EPB41L5: variants seen among roughly 807,000 people sequenced by gnomAD.
EPB41L5 encodes band 4.1-like protein 5.
A neutral mutation model predicts 106.6 loss-of-function variants in EPB41L5; 55 were observed. The ratio of observed to expected loss-of-function variants is 0.52; its 90% CI spans 0.42 to 0.65. The LOEUF is 0.65. Ranked by LOEUF, EPB41L5 falls within the 30% of genes least tolerant of loss-of-function variation. EPB41L5 has a pLI of 0.00. For synonymous variants in EPB41L5, 297 were observed against 306.7 expected (o/e 0.97, Z 0.33); for missense variants, 871 against 882.1 (o/e 0.99, Z 0.16).
chr2:120,171,179 T>C (rs1249740413), intron 24 of EPB41L5, among the ~76,000 whole-genome samples: 1 of 152,164 alleles, frequency 6.6e-6, no homozygotes, highest in Non-Finnish European at 1.5e-5. Flanking sequence ...AGCAGCTAAA[T>C]GATAAGTGGT....
intron 2 of EPB41L5, among the ~76,000 whole-genome samples, chr2:120,040,003 G>A (rs1281656880): frequency 1.3e-5 from 2 of 151,726 alleles, no homozygotes; most frequent in African/African-American, 4.8e-5. Flanking sequence ...TCAAATTCTA[G>A]CGTTGTCATT....
At chr2:120,081,261 A>T (rs1293429148) in intron 10 of EPB41L5, among the ~76,000 whole-genome samples, 1 of 152,174 alleles carries the variant, frequency 6.6e-6, no homozygotes, top group Non-Finnish European at 1.5e-5. Context: ...TTAAGTCTTT[A>T]ATCCATCTTG....
chr2:120,093,386 C>A, intron 14 of EPB41L5, 110 bp downstream of exon 14: 1 of 870,770 alleles, frequency 1.1e-6, no homozygotes, highest in Non-Finnish European at 1.9e-6. Flanking sequence ...GTCCGTAAAG[C>A]ACCAGGGATA....
intron 16 of EPB41L5, among the ~76,000 whole-genome samples, chr2:120,127,391 G>A (rs989250504): frequency 2.6e-5 from 4 of 152,128 alleles, no homozygotes; most frequent in African/African-American, 9.7e-5. Context: ...ATCCGCAGAC[G>A]CGCAAGTGCC....
At chr2:120,100,185 A>G (rs1684044890) in intron 14 of EPB41L5, 59 bp from the exon 15 acceptor site, 4 of 1,351,912 alleles carry the variant, frequency 3.0e-6, no homozygotes, top group Non-Finnish European at 3.1e-6. Flanking sequence ...GTTATCTTAC[A>G]AAATGAAGTC....
rs76228324 is a variant in EPB41L5 at position 120,162,033 on chromosome 2, T to A, written c.1887+1059T>A. 5.6e-3 allele frequency among the ~76,000 whole-genome samples: 854 copies of A among 152,284 alleles called. 5 individuals are homozygous for A. The highest frequency in any genetic ancestry group is 8.5e-3 in the Non-Finnish European group (576 of 68,024). ...GACACCTGTTTTGTTCATTGCTGTATCCCTCAGGCTGGTCTCAAACTCCTG... is the reference window on the plus strand; with the variant it reads ...GACACCTGTTTTGTTCATTGCTGTAACCCTCAGGCTGGTCTCAAACTCCTG... On this transcript the variant is annotated intron_variant, in intron 21 of 24. Coordinates refer to ENST00000263713, the MANE Select transcript of EPB41L5 (RefSeq NM_020909.4).
intron 14 of EPB41L5, among the ~76,000 whole-genome samples, chr2:120,095,873 T>G (rs1683721378): frequency 6.6e-6 from 1 of 152,090 alleles, no homozygotes; most frequent in Non-Finnish European, 1.5e-5. Flanking sequence ...TTTCACCATG[T>G]TGGCCAGGCT....
chr2:120,087,819 GA>G (rs1558863521), intron 11 of EPB41L5, among the ~76,000 whole-genome samples: 12 of 139,104 alleles, frequency 8.6e-5, no homozygotes, highest in Admixed American at 7.9e-4. Context: ...TGATCAAAAA[GA>G]TCTACCTAAT....
chr2:120,134,819 C>T (rs1156784175), intron 18 of EPB41L5, among the ~76,000 whole-genome samples: 5 of 152,264 alleles, frequency 3.3e-5, no homozygotes, highest in Admixed American at 6.5e-5. Flanking sequence ...ATAACTACAA[C>T]GGCTTCTTAA....
In EPB41L5 at chr2:120,178,899, G is replaced by A. The variant is rs527469325; in HGVS notation, c.*3992G>A. The stretch of plus-strand genomic sequence containing the variant: ...TCTCCTTATCTGGATATGATAAGTG[G>A]TTATGAGGGTCTCACTAACTATTTT... On this transcript the variant is annotated 3_prime_UTR_variant, in exon 25 of 25. Transcript: ENST00000263713. 2.6e-5 allele frequency: 4 copies of A among 152,154 alleles called. No individual in the cohort carries two copies. The highest frequency in any genetic ancestry group is 5.9e-5 in the Non-Finnish European group (4 of 68,032). 9.4% of individuals were successfully genotyped at this position (152,154 alleles called of 1,614,324 possible).
rs954829901 is a variant in EPB41L5 at position 120,177,058 on chromosome 2, C to T, written c.*2151C>T. 6.6e-6 allele frequency: 1 copy of T among 152,120 alleles called. No individual in the cohort carries two copies. Among genetic ancestry groups the T allele is most frequent in the Non-Finnish European group, 1.5e-5 (1 of 68,030 alleles). The allele number at this position is 152,120 out of a possible 1,614,324, so 9.4% of individuals were successfully genotyped here. On this transcript the variant is annotated 3_prime_UTR_variant, in exon 25 of 25. Transcript: ENST00000263713. ...TTCATACTTGAATGCTGAATTGGCC[C>T]CGACAGATTAAATGCGTGTTGGGGA... is the stretch of plus-strand genomic sequence containing the variant.
At chr2:120,026,232 C>G (rs1007869440) in intron 2 of EPB41L5, among the ~76,000 whole-genome samples, 3 of 152,082 alleles carry the variant, frequency 2.0e-5, no homozygotes, top group Admixed American at 1.3e-4. Context: ...TTTGGGGGTA[C>G]ATAGTGCTAT....
intron 24 of EPB41L5, among the ~76,000 whole-genome samples, chr2:120,173,866 G>A (rs897628460): frequency 1.3e-5 from 2 of 152,072 alleles, no homozygotes; most frequent in African/African-American, 4.8e-5. Flanking sequence ...TGTTGTTGTT[G>A]TAAATACGTC....
At position 120,078,468 on chromosome 2, in the gene EPB41L5, ACACATTTTTCTC is replaced by A. The variant is rs1182269177; in HGVS notation, c.715-23_715-12del. 1 of 1,487,586 alleles carries A rather than the reference ACACATTTTTCTC, an allele frequency of 6.7e-7. No homozygotes were observed. The highest frequency in any genetic ancestry group is 2.3e-5 in the East Asian group (1 of 43,656). The allele number at this position is 1,487,586 out of a possible 1,614,324, so 92.1% of individuals were successfully genotyped here. On this transcript the variant is annotated splice_polypyrimidine_tract_variant and intron_variant, in intron 9 of 24. Coordinates refer to ENST00000263713, the MANE Select transcript of EPB41L5 (RefSeq NM_020909.4). ...AACCTGTTTTGTACAAATAAAGCTAACACATTTTTCTCCCCTTAAATTAGGCTAGAGATGGGA... is the reference window on the plus strand; with the variant it reads ...AACCTGTTTTGTACAAATAAAGCTAACCCTTAAATTAGGCTAGAGATGGGA...
At chr2:120,160,161 C>T (rs1474739275) in intron 20 of EPB41L5, among the ~76,000 whole-genome samples, 2 of 152,116 alleles carry the variant, frequency 1.3e-5, no homozygotes, top group Non-Finnish European at 2.9e-5. Context: ...ACAACAAATT[C>T]CAATGATACA....
chr2:120,098,233 A>G (rs1464537571), intron 14 of EPB41L5, among the ~76,000 whole-genome samples: 1 of 145,932 alleles, frequency 6.9e-6, no homozygotes, highest in African/African-American at 2.6e-5. Context: ...TTTTTGAGAC[A>G]GGGTCTTGCC....
chr2:120,026,357 T>TTTTG (rs146589355), intron 2 of EPB41L5, among the ~76,000 whole-genome samples: 33 of 151,424 alleles, frequency 2.2e-4, no homozygotes, highest in East Asian at 5.9e-4. Flanking sequence ...CTTTCTGTTT[T>TTTTG]TTTGTTTGTT....
rs890564023 is a variant in EPB41L5, at chr2:120,054,600, C to T, written c.285+12490C>T. Among the ~76,000 whole-genome samples, 9 of 151,424 alleles carry T rather than the reference C, an allele frequency of 5.9e-5. No homozygotes were observed. In the South Asian group the frequency reaches 1.2e-3, roughly 21 times the overall value. The stretch of plus-strand genomic sequence containing the variant: ...CTCACTGCAACTCCGCCTCCCGGTT[C>T]GAGCAGTTCTCCTGCCTCAGCCTCC... On this transcript the variant is annotated intron_variant, in intron 3 of 24. Coordinates refer to ENST00000263713, the MANE Select transcript of EPB41L5 (RefSeq NM_020909.4).
At chr2:120,168,747 CCA>C (rs1171073412) in intron 24 of EPB41L5, among the ~76,000 whole-genome samples, 1 of 152,174 alleles carries the variant, frequency 6.6e-6, no homozygotes, top group African/African-American at 2.4e-5. Context: ...AAAATTGTCT[CCA>C]CAGTGTTCAA....
Sources: gnomAD v4.1 joint callset for allele counts (sites outside exome capture counted in the v4.1 genomes callset) on GRCh38, gnomAD v4.1.1 for gene constraint, MANE v1.5 for transcripts, NCBI Gene and HGNC (gene_info 2026-07-23, HGNC 2026-07-21) for gene names.